PLCB1: variants seen among roughly 807,000 people sequenced by gnomAD.
The protein encoded by PLCB1 is phospholipase C beta 1.
A neutral mutation model predicts 161.8 loss-of-function variants in PLCB1; 46 were observed. That is an observed-to-expected ratio of 0.28 (90% CI 0.22 to 0.36). The LOEUF is 0.36. PLCB1 is among the 10% of genes least tolerant of loss of function. The pLI is 1.00. For synonymous variants in PLCB1, 517 were observed against 503.7 expected, an observed-to-expected ratio of 1.03 and a Z score of -0.35; for missense variants, 1,016 against 1,472.5, an observed-to-expected ratio of 0.69 and a Z score of 5.07.
intron 9 of PLCB1, among the ~76,000 whole-genome samples, chr20:8,681,119 T>A (rs6055994): frequency 0.097 from 7,949 of 81,736 alleles, 537 homozygotes; most frequent in East Asian, 0.2. Flanking sequence ...TATATATATA[T>A]AATATATATA....
At chr20:8,544,981 T>C (rs73094058) in intron 3 of PLCB1, among the ~76,000 whole-genome samples, 1,767 of 152,268 alleles carry the variant, frequency 0.012, 21 homozygotes, top group South Asian at 0.024. Context: ...GAGTGAAGCA[T>C]GGAAGGATAC....
intron 2 of PLCB1, among the ~76,000 whole-genome samples, chr20:8,356,509 G>A (rs944555098): frequency 3.3e-5 from 5 of 152,056 alleles, no homozygotes; most frequent in Admixed American, 6.6e-5. Flanking sequence ...AAGGAGGAAG[G>A]TATCAAATCT....
At chr20:8,584,310 G>A (rs895237067) in intron 3 of PLCB1, among the ~76,000 whole-genome samples, 10 of 152,056 alleles carry the variant, frequency 6.6e-5, no homozygotes, top group African/African-American at 1.2e-4. Context: ...CATCAATTAC[G>A]TCAAACTCAA....
At chr20:8,428,584 G>T (rs1433704211) in intron 3 of PLCB1, among the ~76,000 whole-genome samples, 1 of 152,230 alleles carries the variant, frequency 6.6e-6, no homozygotes, top group African/African-American at 2.4e-5. Context: ...AAAGTGTGCA[G>T]TGTCAATAAA....
intron 3 of PLCB1, among the ~76,000 whole-genome samples, chr20:8,519,510 G>A (rs1259953543): frequency 6.6e-6 from 1 of 152,068 alleles, no homozygotes. Context: ...CATCCTGCCT[G>A]CTCTCTCTCC....
chr20:8,277,111 C>T (rs1213910864), intron 2 of PLCB1, among the ~76,000 whole-genome samples: 2 of 151,692 alleles, frequency 1.3e-5, no homozygotes, highest in Non-Finnish European at 2.9e-5. Flanking sequence ...AGTGACTCTC[C>T]TGCCTCAACC....
At chr20:8,539,675 TCTTTC>T (rs1416166437) in intron 3 of PLCB1, among the ~76,000 whole-genome samples, 1 of 92,226 alleles carries the variant, frequency 1.1e-5, no homozygotes, top group East Asian at 2.8e-4. Flanking sequence ...TTTCTTTCTT[TCTTTC>T]TTTCTTTTTC....
chr20:8,626,921 C>T (rs146748504), intron 3 of PLCB1, among the ~76,000 whole-genome samples: 1,560 of 152,258 alleles, frequency 0.01, 10 homozygotes, highest in Middle Eastern at 0.02. Flanking sequence ...TTTAATCTTT[C>T]GTTAATGGTA....
At chr20:8,236,555 T>C (rs1242427439) in intron 2 of PLCB1, among the ~76,000 whole-genome samples, 2 of 151,926 alleles carry the variant, frequency 1.3e-5, no homozygotes, top group African/African-American at 2.4e-5. Context: ...AATTAATTAA[T>C]ATAAAATAAA....
intron 3 of PLCB1, among the ~76,000 whole-genome samples, chr20:8,626,204 A>T (rs1310760396): frequency 6.6e-6 from 1 of 151,662 alleles, no homozygotes; most frequent in Admixed American, 6.6e-5. Flanking sequence ...AAGAAAAGAT[A>T]TATGAGCAAC....
chr20:8,208,577 G>A (rs530269353), intron 2 of PLCB1, among the ~76,000 whole-genome samples: 1 of 141,566 alleles, frequency 7.1e-6, no homozygotes, highest in South Asian at 2.4e-4. Context: ...ACACACAGAT[G>A]TCTTAATAAA....
chr20:8,276,926 T>TTTCTTCTTCCTCTTCTTCTTC (rs1474129969), intron 2 of PLCB1, among the ~76,000 whole-genome samples: 5 of 104,828 alleles, frequency 4.8e-5, no homozygotes, highest in African/African-American at 1.8e-4. Flanking sequence ...GTCTTCTTCT[T>TTTCTTCTTCCTCTTCTTCTTC]TTCTTCTTCT....
intron 3 of PLCB1, among the ~76,000 whole-genome samples, chr20:8,452,462 T>C (rs955889329): frequency 2.6e-5 from 4 of 152,232 alleles, no homozygotes; most frequent in African/African-American, 9.6e-5. Flanking sequence ...CTATGAAAAT[T>C]GTAGTTCAAT....
chr20:8,342,756 C>A (rs1191315960), intron 2 of PLCB1, among the ~76,000 whole-genome samples: 1 of 152,028 alleles, frequency 6.6e-6, no homozygotes, highest in Non-Finnish European at 1.5e-5. Flanking sequence ...CTATTACTTC[C>A]CAAAGAAAGA....
intron 3 of PLCB1, among the ~76,000 whole-genome samples, chr20:8,391,794 T>TCTCCA (rs1987604015): frequency 3.2e-5 from 3 of 94,036 alleles, no homozygotes; most frequent in Admixed American, 1.1e-4. Context: ...TGTATATATA[T>TCTCCA]ATATATATAT....
At position 8,577,470 on chromosome 20, in the gene PLCB1, A is replaced by G. The variant is rs115135009; in HGVS notation, c.247-50824A>G. Among the ~76,000 whole-genome samples, 996 of 151,932 alleles carry G rather than the reference A, an allele frequency of 6.6e-3. 16 individuals are homozygous for G. Among genetic ancestry groups the G allele is most frequent in the African/African-American group, 0.023 (963 of 41,454 alleles). On this transcript the variant is annotated intron_variant, in intron 3 of 31. Transcript: ENST00000338037. Reference sequence around the variant, plus strand: ...AAAAAAAAAAAAGAATCTTGAAAATAACAATGTTGAATCATAAAAGCATTT... The same window carrying G: ...AAAAAAAAAAAAGAATCTTGAAAATGACAATGTTGAATCATAAAAGCATTT...
chr20:8,543,995 A>G (rs770329655), intron 3 of PLCB1, among the ~76,000 whole-genome samples: 4 of 152,146 alleles, frequency 2.6e-5, no homozygotes, highest in Non-Finnish European at 5.9e-5. Context: ...ATGGACTAAT[A>G]TACAACATCA....
intron 10 of PLCB1, among the ~76,000 whole-genome samples, chr20:8,686,328 T>G (rs1178158474): frequency 6.6e-6 from 1 of 152,226 alleles, no homozygotes; most frequent in Non-Finnish European, 1.5e-5. Flanking sequence ...CTTACATTTA[T>G]CCTATATTTA....
chr20:8,747,122 A>G (rs1408742295), intron 23 of PLCB1, among the ~76,000 whole-genome samples: 1 of 152,238 alleles, frequency 6.6e-6, no homozygotes, highest in Non-Finnish European at 1.5e-5. Context: ...AGCACAGGAT[A>G]TAAGACCTTT....
Sources: gnomAD v4.1 joint callset for allele counts (sites outside exome capture counted in the v4.1 genomes callset) on GRCh38, gnomAD v4.1.1 for gene constraint, MANE v1.5 for transcripts, NCBI Gene and HGNC (gene_info 2026-07-23, HGNC 2026-07-21) for gene names.